The following SV2C variants were observed in gnomAD, a reference collection of about 807,000 sequenced individuals.
The protein encoded by SV2C is synaptic vesicle glycoprotein 2C.
SV2C carries 49 observed loss-of-function variants against 79.7 expected under a neutral mutation model. The observed-to-expected ratio is 0.61, with a 90% CI of 0.49 to 0.78. The LOEUF is 0.78. Among genes scored for constraint, SV2C ranks in the 30% least tolerant of loss-of-function variants. The pLI is 0.00. For missense variants in SV2C, 833 were observed against 912.9 expected (o/e 0.91, Z 1.13); for synonymous variants, 334 against 333.2 (o/e 1.00, Z -0.03).
At chr5:75,947,047 G>A in the SV2C span, among the ~76,000 whole-genome samples, 1 of 152,214 alleles carries the variant, frequency 6.6e-6, no homozygotes, top group South Asian at 2.1e-4. Flanking sequence ...TGAAAGTAGG[G>A]AGAGGTGGTC....
chr5:76,209,438 A>C (rs1351863533), intron 3 of SV2C, among the ~76,000 whole-genome samples: 1 of 152,254 alleles, frequency 6.6e-6, no homozygotes, highest in Non-Finnish European at 1.5e-5. Flanking sequence ...CACAACCATG[A>C]GCTGAAAAGC....
chr5:76,352,940 CTTT>C (rs556688242), intron 12 of SV2C, among the ~76,000 whole-genome samples: 3 of 136,536 alleles, frequency 2.2e-5, no homozygotes, highest in Admixed American at 7.4e-5. Context: ...ATTTTTACCT[CTTT>C]TTTTTTTTTT....
chr5:76,231,828 A>T (rs1475364254), intron 4 of SV2C, among the ~76,000 whole-genome samples: 1 of 146,268 alleles, frequency 6.8e-6, no homozygotes, highest in Non-Finnish European at 1.5e-5. Flanking sequence ...TTCTTAATCC[A>T]GTCTATCACT....
chr5:76,241,097 C>A (rs1039386045), intron 4 of SV2C, among the ~76,000 whole-genome samples: 1 of 151,924 alleles, frequency 6.6e-6, no homozygotes, highest in African/African-American at 2.4e-5. Context: ...GCTGGGACTA[C>A]AAGCGCACGC....
At chr5:76,106,284 G>C (rs1747909790) in intron 1 of SV2C, among the ~76,000 whole-genome samples, 1 of 152,054 alleles carries the variant, frequency 6.6e-6, no homozygotes, top group African/African-American at 2.4e-5. Flanking sequence ...TCCCACTGCT[G>C]TCTACTATCC....
At chr5:75,879,474 T>G in the SV2C span, among the ~76,000 whole-genome samples, 1 of 152,014 alleles carries the variant, frequency 6.6e-6, no homozygotes, top group Non-Finnish European at 1.5e-5. Flanking sequence ...CATGAGAGTC[T>G]GAAACCCAGA....
chr5:75,934,298 C>CTTTTTTTTTTTTTTTTT, the SV2C span, among the ~76,000 whole-genome samples: 1 of 87,586 alleles, frequency 1.1e-5, no homozygotes, highest in African/African-American at 6.6e-5. Flanking sequence ...TTTTTTCTTT[C>CTTTTTTTTTTTTTTTTT]TTTCTTTTTT....
chr5:76,314,880 G>C (rs529347437), intron 12 of SV2C, among the ~76,000 whole-genome samples: 105 of 152,200 alleles, frequency 6.9e-4, no homozygotes, highest in Non-Finnish European at 1.1e-3. Context: ...AACTCCAAGG[G>C]GTGCTCAGTC....
At chr5:76,181,805 C>T (rs1256010434) in intron 2 of SV2C, among the ~76,000 whole-genome samples, 1 of 152,214 alleles carries the variant, frequency 6.6e-6, no homozygotes, top group East Asian at 1.9e-4. Context: ...CAATATCAGG[C>T]TTTGATTGCT....
the SV2C span, among the ~76,000 whole-genome samples, chr5:75,871,195 T>A: frequency 6.6e-6 from 1 of 152,208 alleles, no homozygotes; most frequent in Non-Finnish European, 1.5e-5. Flanking sequence ...ATTCAATGCC[T>A]ATTTCTGGTT....
the SV2C span, among the ~76,000 whole-genome samples, chr5:75,860,919 A>G: frequency 3.3e-5 from 5 of 152,306 alleles, no homozygotes; most frequent in African/African-American, 1.2e-4. Context: ...ACCTTTCACT[A>G]TACGCAAAAA....
rs533423116 is a variant in SV2C, at chr5:76,316,798, G to GC, written c.2001-8560dup. ...TTCAGCACACTCCTAGTCTTGTCCAGCCCCCCTGAGAAGCTTTCCTTCAAC... is the reference window on the plus strand; with the variant it reads ...TTCAGCACACTCCTAGTCTTGTCCAGCCCCCCCTGAGAAGCTTTCCTTCAAC... On this transcript the variant is annotated intron_variant, in intron 12 of 12. Transcript: ENST00000502798. Among the ~76,000 whole-genome samples, 15 of 152,126 alleles carry GC rather than the reference G, an allele frequency of 9.9e-5. No homozygotes were observed. The South Asian group carries it at 2.7e-3, about 27-fold the overall frequency.
intron 4 of SV2C, among the ~76,000 whole-genome samples, chr5:76,264,023 G>A (rs774687259): frequency 1.4e-4 from 21 of 152,088 alleles, no homozygotes; most frequent in Non-Finnish European, 2.6e-4. Context: ...ATCCTGAAGT[G>A]TGTTTTTCAA....
chr5:76,104,227 G>C (rs258613), intron 1 of SV2C, among the ~76,000 whole-genome samples: 81,900 of 152,074 alleles, frequency 0.54, 22,855 homozygotes, highest in East Asian at 0.73. Context: ...ATTGGCCAAG[G>C]CCCACGGGAA....
intron 4 of SV2C, among the ~76,000 whole-genome samples, chr5:76,274,000 C>T (rs1043856169): frequency 9.2e-5 from 14 of 152,122 alleles, no homozygotes; most frequent in African/African-American, 2.9e-4. Context: ...TCTTTTTCAC[C>T]CAGAGATACC....
intron 4 of SV2C, among the ~76,000 whole-genome samples, chr5:76,211,923 C>T (rs1307357008): frequency 6.6e-6 from 1 of 152,130 alleles, no homozygotes. Flanking sequence ...GTTACTTGGC[C>T]TGAAGAGAAC....
At chr5:75,941,686 A>AAG in the SV2C span, among the ~76,000 whole-genome samples, 1 of 152,220 alleles carries the variant, frequency 6.6e-6, no homozygotes, top group Non-Finnish European at 1.5e-5. Flanking sequence ...TTTTGTTATA[A>AAG]TGTTGGGGCA....
chr5:76,279,694 C>T (rs941481882), intron 4 of SV2C, among the ~76,000 whole-genome samples: 7 of 152,052 alleles, frequency 4.6e-5, no homozygotes, highest in Non-Finnish European at 1.0e-4. Context: ...TATAGACCAT[C>T]CTTTTGAGGT....
intron 1 of SV2C, among the ~76,000 whole-genome samples, chr5:76,108,197 A>C (rs1004719223): frequency 3.3e-5 from 5 of 152,236 alleles, no homozygotes; most frequent in Admixed American, 2.0e-4. Context: ...AAAGCAACTT[A>C]AGGATTTTTT....
Sources: gnomAD v4.1 joint callset for allele counts (sites outside exome capture counted in the v4.1 genomes callset) on GRCh38, gnomAD v4.1.1 for gene constraint, MANE v1.5 for transcripts, NCBI Gene and HGNC (gene_info 2026-07-23, HGNC 2026-07-21) for gene names.